The following ARL15 variants were observed in gnomAD, a reference collection of about 807,000 sequenced individuals.
The protein encoded by ARL15 is ADP-ribosylation factor-like protein 15.
A neutral mutation model predicts 25.2 loss-of-function variants in ARL15; 19 were observed. The ratio of observed to expected loss-of-function variants is 0.75; its 90% CI spans 0.53 to 1.10. ARL15 has a LOEUF of 1.10. Among genes scored for constraint, ARL15 ranks in the 50% least tolerant of loss-of-function variants. The pLI is 0.00. For missense variants in ARL15, 220 were observed against 246.0 expected, an observed-to-expected ratio of 0.89 and a Z score of 0.71; for synonymous variants, 94 against 86.8, an observed-to-expected ratio of 1.08 and a Z score of -0.46.
At chr5:54,026,350 C>T (rs1440981759) in intron 4 of ARL15, among the ~76,000 whole-genome samples, 1 of 152,126 alleles carries the variant, frequency 6.6e-6, no homozygotes, top group African/African-American at 2.4e-5. Context: ...CTCACTGCAG[C>T]CTTGACTTCT....
intron 2 of ARL15, among the ~76,000 whole-genome samples, chr5:54,168,228 A>G (rs1363874071): frequency 6.6e-6 from 1 of 151,980 alleles, no homozygotes; most frequent in Non-Finnish European, 1.5e-5. Context: ...TCTACCCATT[A>G]CCCCTGGACA....
chr5:53,966,187 C>G (rs1039880511), intron 4 of ARL15, among the ~76,000 whole-genome samples: 1 of 152,082 alleles, frequency 6.6e-6, no homozygotes, highest in African/African-American at 2.4e-5. Flanking sequence ...TCAAGTTGAT[C>G]ACCAGTGGCA....
intron 1 of ARL15, among the ~76,000 whole-genome samples, chr5:54,240,485 TTA>T (rs1756932159): frequency 6.6e-6 from 1 of 152,254 alleles, no homozygotes; most frequent in African/African-American, 2.4e-5. Flanking sequence ...AGAAACCTAC[TTA>T]TGTCCTTTTC....
chr5:53,989,363 G>C (rs533649159), intron 4 of ARL15, among the ~76,000 whole-genome samples: 1 of 152,270 alleles, frequency 6.6e-6, no homozygotes, highest in Admixed American at 6.5e-5. Flanking sequence ...TCACTTTAAA[G>C]TCTAGTTATC....
chr5:54,223,245 A>AT (rs1246811750), intron 1 of ARL15, among the ~76,000 whole-genome samples: 2 of 152,086 alleles, frequency 1.3e-5, no homozygotes. Flanking sequence ...TTTTATTAAA[A>AT]TTTACATCAT....
At chr5:54,289,138 TTTA>T (rs1214623668) in intron 1 of ARL15, among the ~76,000 whole-genome samples, 1 of 152,098 alleles carries the variant, frequency 6.6e-6, no homozygotes, top group African/African-American at 2.4e-5. Flanking sequence ...GCTCAAGGAT[TTTA>T]GATGCCCAAG....
chr5:54,045,950 G>C (rs1750496324), intron 4 of ARL15, among the ~76,000 whole-genome samples: 1 of 152,144 alleles, frequency 6.6e-6, no homozygotes, highest in African/African-American at 2.4e-5. Flanking sequence ...ACCTATGACT[G>C]CTTTCTTTCC....
At chr5:54,058,189 A>G (rs1425508994) in intron 4 of ARL15, among the ~76,000 whole-genome samples, 1 of 151,852 alleles carries the variant, frequency 6.6e-6, no homozygotes, top group African/African-American at 2.4e-5. Flanking sequence ...TATTTTTAGT[A>G]GAGATGGGGT....
chr5:53,933,697 T>C (rs116209550), intron 4 of ARL15, among the ~76,000 whole-genome samples: 4,272 of 145,530 alleles, frequency 0.029, 239 homozygotes, highest in African/African-American at 0.1. Context: ...TACATCAGAA[T>C]GAACACTTAA....
chr5:54,134,862 C>T (rs911607054), intron 3 of ARL15, among the ~76,000 whole-genome samples: 10 of 152,108 alleles, frequency 6.6e-5, no homozygotes, highest in Admixed American at 1.3e-4. Flanking sequence ...GGATTACAGG[C>T]GTGAGCCACT....
chr5:54,062,237 T>C (rs1751090414), intron 4 of ARL15, among the ~76,000 whole-genome samples: 1 of 152,168 alleles, frequency 6.6e-6, no homozygotes, highest in Non-Finnish European at 1.5e-5. Context: ...TTGTCTCAAA[T>C]GAGGCTTTGG....
intron 3 of ARL15, among the ~76,000 whole-genome samples, chr5:54,124,656 A>G (rs1224010245): frequency 6.6e-6 from 1 of 152,216 alleles, no homozygotes; most frequent in Non-Finnish European, 1.5e-5. Context: ...AATAATAGAT[A>G]TATAAAAAAC....
chr5:53,968,945 CGAGACCA>C (rs1747652454), intron 4 of ARL15, among the ~76,000 whole-genome samples: 2 of 151,442 alleles, frequency 1.3e-5, no homozygotes, highest in Admixed American at 1.3e-4. Flanking sequence ...GTCGGGAGTT[CGAGACCA>C]GCCTGGACAA....
At chr5:54,163,665 C>G (rs1754487263) in intron 2 of ARL15, among the ~76,000 whole-genome samples, 1 of 151,804 alleles carries the variant, frequency 6.6e-6, no homozygotes. Flanking sequence ...TGTCCATTTT[C>G]TCTAAGTTGT....
intron 4 of ARL15, among the ~76,000 whole-genome samples, chr5:54,076,409 A>C (rs1329586358): frequency 6.6e-6 from 1 of 151,626 alleles, no homozygotes; most frequent in Non-Finnish European, 1.5e-5. Context: ...CGACAGAGCG[A>C]GACTCCGTCT....
At position 54,223,954 on chromosome 5, in the gene ARL15, A is replaced by T. The variant is rs180903623; in HGVS notation, c.49-52026T>A. Among the ~76,000 whole-genome samples, 155 of 152,314 alleles carry T rather than the reference A, an allele frequency of 1.0e-3. 2 individuals are homozygous for T. The highest frequency in any genetic ancestry group is 1.7e-3 in the Non-Finnish European group (115 of 68,030). On this transcript the variant is annotated intron_variant, in intron 1 of 4. Coordinates refer to ENST00000504924, the MANE Select transcript of ARL15 (RefSeq NM_019087.3). ...GAGCAGCACCTTGAATGTTGGCTGC[A>T]TTCAGAGCAAAAAGTACGCATCAGT...
At chr5:54,111,613 G>A (rs1282849108) in intron 4 of ARL15, among the ~76,000 whole-genome samples, 2 of 151,938 alleles carry the variant, frequency 1.3e-5, no homozygotes, top group Non-Finnish European at 2.9e-5. Flanking sequence ...TTCAGATATT[G>A]CAAATAACTT....
intron 1 of ARL15, among the ~76,000 whole-genome samples, chr5:54,269,791 GC>G (rs1260202524): frequency 6.6e-6 from 1 of 152,126 alleles, no homozygotes; most frequent in African/African-American, 2.4e-5. Context: ...GATTACAGAT[GC>G]CTGCCACCAC....
At chr5:54,212,347 G>C (rs548482575) in intron 1 of ARL15, among the ~76,000 whole-genome samples, 1 of 152,252 alleles carries the variant, frequency 6.6e-6, no homozygotes, top group East Asian at 1.9e-4. Flanking sequence ...TTTAAGAAGA[G>C]GAAAAGGGAA....
Sources: gnomAD v4.1 joint callset for allele counts (sites outside exome capture counted in the v4.1 genomes callset) on GRCh38, gnomAD v4.1.1 for gene constraint, MANE v1.5 for transcripts, NCBI Gene and HGNC (gene_info 2026-07-23, HGNC 2026-07-21) for gene names.